COL23A1: variants seen among roughly 807,000 people sequenced by gnomAD.
COL23A1 encodes collagen alpha-1(XXIII) chain.
COL23A1 carries 97 observed loss-of-function variants against 99.3 expected under a neutral mutation model. The observed-to-expected ratio is 0.98, with a 90% CI of 0.83 to 1.16. COL23A1 has a LOEUF of 1.16. Among genes scored for constraint, COL23A1 ranks in the 50% most tolerant of loss-of-function variants. The pLI, the probability that COL23A1 is intolerant of heterozygous loss-of-function variation, is 0.00. For missense variants in COL23A1, 762 were observed against 757.4 expected, an observed-to-expected ratio of 1.01 and a Z score of -0.07; for synonymous variants, 320 against 308.2, an observed-to-expected ratio of 1.04 and a Z score of -0.40.
intron 16 of COL23A1, 95 bp downstream of exon 16, chr5:178,254,854 G>A (rs1765220804): frequency 1.8e-6 from 2 of 1,088,882 alleles, no homozygotes; most frequent in African/African-American, 3.1e-5. Flanking sequence ...CTGGTCCCTT[G>A]TGTAAAAAAG....
Position 178,262,246 on chromosome 5 carries a change from TG to T in COL23A1, c.645del (p.Gly217GlufsTer92). The T allele has an allele frequency of 6.3e-7, 1 of 1,582,654 alleles. No homozygotes were observed. Among genetic ancestry groups the T allele is most frequent in the South Asian group, 1.2e-5 (1 of 86,288 alleles). ...TCGCCGTCTTGTCCGGGCTCTCCTTTGGGGCCCTGCGGAAGTGTGAGGGGAC... is the reference window on the plus strand; with the variant it reads ...TCGCCGTCTTGTCCGGGCTCTCCTTTGGGCCCTGCGGAAGTGTGAGGGGAC... ...GPRGAQGPAG[P>X]KGEPGQDGEM... is the part of the protein sequence containing the mutation. On this transcript the variant is annotated frameshift_variant, in exon 10 of 29. Transcript: ENST00000390654. LOFTEE classifies it high-confidence loss of function.
rs1763557580 is a variant in COL23A1 at position 178,384,435 on chromosome 5, T to C, written c.362-77516A>G. Among the ~76,000 whole-genome samples, 1 of 152,328 alleles carries C rather than the reference T, an allele frequency of 6.6e-6. No homozygotes were observed. The highest frequency in any genetic ancestry group is 6.5e-5 in the Admixed American group (1 of 15,300). The stretch of plus-strand genomic sequence containing the variant: ...TCCGGGTAGTAAACCAGGCTTCGGC[T>C]TTCCAAGCCAGACCTCTCCTCCCTG... On this transcript the variant is annotated intron_variant, in intron 2 of 28. Transcript: ENST00000390654. This position sits in a 1 kb window ranked among gnomAD's most constrained non-coding sequence, Gnocchi z 5.5.
chr5:178,254,036 T>C (rs1026188206), intron 16 of COL23A1, among the ~76,000 whole-genome samples: 5 of 152,082 alleles, frequency 3.3e-5, no homozygotes, highest in Admixed American at 6.5e-5. Flanking sequence ...TGGTGGCGCA[T>C]GCCTGTAGTC....
chr5:178,306,939 T>C lies in COL23A1; in HGVS notation c.362-20A>G. The C allele has an allele frequency of 6.7e-7, 1 of 1,496,982 alleles. No individual in the cohort carries two copies. The highest frequency in any genetic ancestry group is 8.9e-7 in the Non-Finnish European group (1 of 1,122,382). The allele number at this position is 1,496,982 out of a possible 1,614,324, so 92.7% of individuals were successfully genotyped here. A position where few individuals can be genotyped will look rare whatever the true frequency, so the allele number is the denominator to read the frequency against. ...GGGGCCCTAGACAGGAAAACAAGAA[T>C]GCATTCATTGAGAAGGGAAGCCAGT... is the stretch of plus-strand genomic sequence containing the variant. On this transcript the variant is annotated intron_variant, in intron 2 of 28. Coordinates refer to ENST00000390654, the MANE Select transcript of COL23A1 (RefSeq NM_173465.4). This position sits in a 1 kb window ranked among gnomAD's most constrained non-coding sequence, Gnocchi z 4.1.
At chr5:178,502,293 G>C (rs557548328) in intron 2 of COL23A1, among the ~76,000 whole-genome samples, 1 of 152,066 alleles carries the variant, frequency 6.6e-6, no homozygotes, top group African/African-American at 2.4e-5. Flanking sequence ...CACCACGCCC[G>C]GCTAATTTTT....
chr5:178,431,029 G>C (rs779506356), intron 2 of COL23A1, among the ~76,000 whole-genome samples: 6 of 152,154 alleles, frequency 3.9e-5, no homozygotes, highest in Non-Finnish European at 8.8e-5. Flanking sequence ...AGGAGGAGCA[G>C]AGTTCTCCAG....
At chr5:178,577,953 A>T (rs1232382999) in intron 1 of COL23A1, among the ~76,000 whole-genome samples, 4 of 152,066 alleles carry the variant, frequency 2.6e-5, no homozygotes, top group Admixed American at 6.6e-5. Context: ...GTGAGGCGAT[A>T]AGGTCAGGCT....
rs376262401 is a variant in COL23A1, at chr5:178,555,474, G to C, written c.361+5208C>G. On this transcript the variant is annotated intron_variant, in intron 2 of 28. Transcript: ENST00000390654. ...GTCACTCCAGCAGAGGCTGTCTGAA[G>C]ACAAGCGGAGAAGAGCTGAGAGAGG... Among the ~76,000 whole-genome samples, 52 of 152,340 alleles carry C rather than the reference G, an allele frequency of 3.4e-4. No individual in the cohort carries two copies. The East Asian group carries it at 9.7e-3, about 28-fold the overall frequency.
rs1561940793 is a variant in COL23A1, at chr5:178,403,137, A to AAGAG, written c.362-96219_362-96218insCTCT. Among the ~76,000 whole-genome samples, 3 of 137,138 alleles carry AAGAG rather than the reference A, an allele frequency of 2.2e-5. 1 individual carries two copies. Among genetic ancestry groups the AAGAG allele is most frequent in the African/African-American group, 8.4e-5 (3 of 35,806 alleles). The allele number at this position is 137,138 out of a possible 152,430, so 90.0% of individuals were successfully genotyped here. A position where few individuals can be genotyped will look rare whatever the true frequency, so the allele number is the denominator to read the frequency against. On this transcript the variant is annotated intron_variant, in intron 2 of 28. Coordinates refer to ENST00000390654, the MANE Select transcript of COL23A1 (RefSeq NM_173465.4). ...AAAAAAAAAAATAAATAAATAAAAA[A>AAGAG]TAAATACCATTTACCGAAATCTTCT...
At position 178,259,826 on chromosome 5, in the gene COL23A1, C is replaced by T. The variant is rs1581471748; in HGVS notation, c.703-79G>A. 59 of 1,390,320 alleles carry T rather than the reference C, an allele frequency of 4.2e-5. No individual in the cohort carries two copies. In the East Asian group the frequency reaches 9.8e-4, roughly 23 times the overall value. The allele number at this position is 1,390,320 out of a possible 1,614,324, so 86.1% of individuals were successfully genotyped here. A position where few individuals can be genotyped will look rare whatever the true frequency, so the allele number is the denominator to read the frequency against. On this transcript the variant is annotated intron_variant, in intron 11 of 28. Coordinates refer to ENST00000390654, the MANE Select transcript of COL23A1 (RefSeq NM_173465.4). The stretch of plus-strand genomic sequence containing the variant: ...CCCGGACCCCGGACCTCTTGTTCCT[C>T]GGGTAGAAGTGGCACTGATGACCCG...
intron 2 of COL23A1, among the ~76,000 whole-genome samples, chr5:178,356,717 G>T (rs928821417): frequency 6.6e-6 from 1 of 152,202 alleles, no homozygotes; most frequent in Non-Finnish European, 1.5e-5. Context: ...GCTGCCTGAG[G>T]AGGAGGCACG....
At chr5:178,372,411 A>G (rs1762847689) in intron 2 of COL23A1, among the ~76,000 whole-genome samples, 1 of 152,240 alleles carries the variant, frequency 6.6e-6, no homozygotes, top group East Asian at 1.9e-4. Context: ...ACAGAAATAT[A>G]CAGCCAAGAG....
chr5:178,342,066 G>A (rs1036300486), intron 2 of COL23A1, among the ~76,000 whole-genome samples: 1 of 152,154 alleles, frequency 6.6e-6, no homozygotes, highest in African/African-American at 2.4e-5. Context: ...CAGGGGGACC[G>A]CTGTTTGCTG....
Position 178,306,041 on chromosome 5 carries a change from G to A in COL23A1, c.406+834C>T, listed in dbSNP as rs1196868965. On this transcript the variant is annotated intron_variant, in intron 3 of 28. Transcript: ENST00000390654. The surrounding 1 kb of genome is among the most constrained non-coding windows in gnomAD (Gnocchi z 4.1). Reference sequence around the variant, plus strand: ...TGGAGGCAGGGAGAGGACATGGTCAGTGTCACAGCAGTGGGAGACTGTGGG... The same window carrying A: ...TGGAGGCAGGGAGAGGACATGGTCAATGTCACAGCAGTGGGAGACTGTGGG... Among the ~76,000 whole-genome samples, 1 of 152,168 alleles carries A rather than the reference G, an allele frequency of 6.6e-6. No homozygotes were observed. Among genetic ancestry groups the A allele is most frequent in the Non-Finnish European group, 1.5e-5 (1 of 68,034 alleles).
In COL23A1 at chr5:178,545,331, C is replaced by A. The variant is rs118035878; in HGVS notation, c.361+15351G>T. ...CCCAACAGGGGGCTCAGGTTCCGCA[C>A]GAGGCTACTTCTAAAGACATGACCG... On this transcript the variant is annotated intron_variant, in intron 2 of 28. Transcript: ENST00000390654. 2.3e-4 allele frequency among the ~76,000 whole-genome samples: 35 copies of A among 152,230 alleles called. 3 individuals are homozygous for A. The East Asian group carries it at 6.6e-3, about 29-fold the overall frequency.
chr5:178,354,647 G>A (rs1581209777), intron 2 of COL23A1, among the ~76,000 whole-genome samples: 1 of 152,188 alleles, frequency 6.6e-6, no homozygotes, highest in Admixed American at 6.5e-5. Context: ...GCCATGTGAA[G>A]ATGTGCCTGC....
At chr5:178,353,934 T>TG (rs1470767772) in intron 2 of COL23A1, among the ~76,000 whole-genome samples, 3 of 119,320 alleles carry the variant, frequency 2.5e-5, no homozygotes, top group Admixed American at 2.5e-4. Context: ...GTGCTACCGT[T>TG]GAGTTAAAAA....
chr5:178,269,625 T>TCCA (rs1247515687), intron 6 of COL23A1, among the ~76,000 whole-genome samples: 192 of 123,552 alleles, frequency 1.6e-3, no homozygotes, highest in South Asian at 3.5e-3. Context: ...CATCCATCCA[T>TCCA]TCATCCACCC....
At chr5:178,322,253 A>G (rs962658075) in intron 2 of COL23A1, among the ~76,000 whole-genome samples, 10 of 151,956 alleles carry the variant, frequency 6.6e-5, no homozygotes, top group African/African-American at 2.4e-4. Context: ...CAGCCTCCCA[A>G]AGTGCTGGGA....
Sources: gnomAD v4.1 joint callset for allele counts (sites outside exome capture counted in the v4.1 genomes callset) on GRCh38, gnomAD v4.1.1 for gene constraint, Gnocchi (gnomAD v3.1) non-coding constraint, MANE v1.5 for transcripts, NCBI Gene and HGNC (gene_info 2026-07-23, HGNC 2026-07-21) for gene names.